SLC25A21: variants seen among roughly 807,000 people sequenced by gnomAD.
SLC25A21 encodes mitochondrial 2-oxodicarboxylate carrier.
SLC25A21 carries 47 observed loss-of-function variants against 43.8 expected under a neutral mutation model. That is an observed-to-expected ratio of 1.07 (90% CI 0.85 to 1.37). The LOEUF (loss-of-function observed/expected upper bound fraction) is 1.37. Ranked by LOEUF, SLC25A21 falls within the 40% of genes most tolerant of loss-of-function variation. The pLI is 0.00. For synonymous variants in SLC25A21, 131 were observed against 121.3 expected (o/e 1.08, Z -0.52); for missense variants, 352 against 350.2 (o/e 1.00, Z -0.04).
intron 1 of SLC25A21, among the ~76,000 whole-genome samples, chr14:37,169,868 A>G (rs1194349215): frequency 6.6e-6 from 1 of 152,126 alleles, no homozygotes. Context: ...ATCATTTATT[A>G]ATAACTCCAT....
chr14:37,137,065 A>G (rs990586792), intron 1 of SLC25A21, among the ~76,000 whole-genome samples: 2 of 152,148 alleles, frequency 1.3e-5, no homozygotes, highest in East Asian at 1.9e-4. Context: ...CAGTGGCGCA[A>G]TCTCGGCTCA....
intron 1 of SLC25A21, among the ~76,000 whole-genome samples, chr14:37,039,656 A>G (rs1961402453): frequency 6.6e-6 from 1 of 152,146 alleles, no homozygotes. Flanking sequence ...GCATTTATTG[A>G]GCCTCTTCTA....
At chr14:36,889,637 C>T (rs1022184664) in intron 1 of SLC25A21, among the ~76,000 whole-genome samples, 5 of 151,930 alleles carry the variant, frequency 3.3e-5, no homozygotes, top group African/African-American at 4.8e-5. Flanking sequence ...CAGGCATGTA[C>T]CACTATGCTC....
chr14:36,814,032 G>C (rs1888366762), intron 2 of SLC25A21, 31 bp from the exon 3 acceptor site: 1 of 1,524,702 alleles, frequency 6.6e-7, no homozygotes, highest in African/African-American at 1.4e-5. Flanking sequence ...AAAATTCTAA[G>C]TTAAAGATTT....
intron 3 of SLC25A21, among the ~76,000 whole-genome samples, chr14:36,766,831 T>C (rs1193392442): frequency 2.0e-5 from 3 of 152,180 alleles, no homozygotes; most frequent in Admixed American, 6.5e-5. Flanking sequence ...AATTTTCTTG[T>C]TTCTAAGAGG....
chr14:36,737,782 G>A (rs1433946484), intron 3 of SLC25A21, among the ~76,000 whole-genome samples: 3 of 152,144 alleles, frequency 2.0e-5, no homozygotes, highest in Non-Finnish European at 2.9e-5. Context: ...GTCATTTGGA[G>A]AAAGTCAATC....
intron 1 of SLC25A21, among the ~76,000 whole-genome samples, chr14:36,982,101 C>G (rs1406640536): frequency 6.6e-6 from 1 of 151,236 alleles, no homozygotes; most frequent in Non-Finnish European, 1.5e-5. Context: ...TGGAGAGTAT[C>G]TATTACTGTC....
intron 1 of SLC25A21, among the ~76,000 whole-genome samples, chr14:36,927,713 TA>T (rs1892169275): frequency 6.6e-6 from 1 of 152,186 alleles, no homozygotes; most frequent in Non-Finnish European, 1.5e-5. Context: ...TTTAATATTT[TA>T]AAGTAGACTT....
At chr14:36,758,591 A>T (rs1382195951) in intron 3 of SLC25A21, among the ~76,000 whole-genome samples, 15 of 11,720 alleles carry the variant, frequency 1.3e-3, no homozygotes, top group African/African-American at 2.3e-3. Context: ...CAGCCAGGTC[A>T]AAAAAAAAAA....
chr14:36,796,278 A>T (rs1452909451), intron 3 of SLC25A21, among the ~76,000 whole-genome samples: 1 of 152,186 alleles, frequency 6.6e-6, no homozygotes. Context: ...GAAAGGAATT[A>T]AGAATAAGTT....
chr14:36,686,419 C>T (rs72679759), intron 7 of SLC25A21, among the ~76,000 whole-genome samples: 409 of 152,218 alleles, frequency 2.7e-3, no homozygotes, highest in Non-Finnish European at 5.1e-3. Flanking sequence ...GGCACAGAAG[C>T]AGAACTGGAG....
chr14:36,776,238 C>CTTTTT (rs35856297), intron 3 of SLC25A21, among the ~76,000 whole-genome samples: 100 of 89,842 alleles, frequency 1.1e-3, no homozygotes, highest in Non-Finnish European at 1.4e-3. Flanking sequence ...TTCTTTCTTT[C>CTTTTT]TTTTTTTTTT....
intron 1 of SLC25A21, among the ~76,000 whole-genome samples, chr14:37,159,382 T>C (rs937758183): frequency 2.6e-5 from 4 of 151,980 alleles, no homozygotes; most frequent in African/African-American, 7.3e-5. Context: ...AAGAGACATA[T>C]AGACAAATGG....
At chr14:36,711,598 A>G in intron 6 of SLC25A21, 116 bp from the exon 7 acceptor site, 3 of 1,124,154 alleles carry the variant, frequency 2.7e-6, no homozygotes, top group Non-Finnish European at 3.7e-6. Flanking sequence ...TCCCCCAGAT[A>G]TGAATAATCA....
Position 36,762,877 on chromosome 14 carries a change from T to C in SLC25A21, c.204-28304A>G, listed in dbSNP as rs111528264. On this transcript the variant is annotated intron_variant, in intron 3 of 9. Coordinates refer to ENST00000331299, the MANE Select transcript of SLC25A21 (RefSeq NM_030631.4). ...CTATCTCTCTAGCACAAAGCAGAGT[T>C]TAAGAATACGTCATTATCTTGAATT... 1.1e-3 allele frequency among the ~76,000 whole-genome samples: 167 copies of C among 152,314 alleles called. 3 individuals are homozygous for C. In the Middle Eastern group the frequency reaches 0.024, roughly 22 times the overall value.
At chr14:36,838,410 C>T (rs58819195) in intron 2 of SLC25A21, among the ~76,000 whole-genome samples, 1,802 of 152,342 alleles carry the variant, frequency 0.012, 40 homozygotes, top group African/African-American at 0.042. Flanking sequence ...CTGGGACACA[C>T]TGCACCTGCT....
chr14:36,818,264 C>A (rs1352343176), intron 2 of SLC25A21, among the ~76,000 whole-genome samples: 3 of 152,146 alleles, frequency 2.0e-5, no homozygotes, highest in Non-Finnish European at 4.4e-5. Context: ...CTTGGAGCTA[C>A]ATATCTGCAA....
intron 1 of SLC25A21, among the ~76,000 whole-genome samples, chr14:36,962,971 T>G (rs1353998648): frequency 6.6e-6 from 1 of 152,230 alleles, no homozygotes; most frequent in Non-Finnish European, 1.5e-5. Context: ...TTTTTGGTAG[T>G]GGGTTAGAAC....
Position 36,754,089 on chromosome 14 carries a change from C to T in SLC25A21, c.204-19516G>A, listed in dbSNP as rs985223611. Among the ~76,000 whole-genome samples, 5 of 152,178 alleles carry T rather than the reference C, an allele frequency of 3.3e-5. No individual in the cohort carries two copies. In the South Asian group the frequency reaches 8.3e-4, roughly 25 times the overall value. On this transcript the variant is annotated intron_variant, in intron 3 of 9. Transcript: ENST00000331299. ...AATTTTATGTATCAACTTGACTAGGCTACAGGGTGCCCAGATATTTGGTCA... is the reference window on the plus strand; with the variant it reads ...AATTTTATGTATCAACTTGACTAGGTTACAGGGTGCCCAGATATTTGGTCA...
Sources: gnomAD v4.1 joint callset for allele counts (sites outside exome capture counted in the v4.1 genomes callset) on GRCh38, gnomAD v4.1.1 for gene constraint, MANE v1.5 for transcripts, NCBI Gene and HGNC (gene_info 2026-07-23, HGNC 2026-07-21) for gene names.